Variants in LRRC56 observed in about 807,000 individuals in gnomAD.
LRRC56 encodes leucine rich repeat containing 56, also known as leucine-rich repeat-containing protein 56.
In LRRC56, 41 loss-of-function variants were observed where a neutral mutation model predicts 47.8. The ratio of observed to expected loss-of-function variants is 0.86; its 90% CI spans 0.67 to 1.11. LRRC56 has a LOEUF of 1.11. Among genes scored for constraint, LRRC56 ranks in the 50% most tolerant of loss-of-function variants. The probability of loss-of-function intolerance (pLI) is 0.00; values close to 1 mark genes in which losing one functional copy is unlikely to be tolerated. For missense variants in LRRC56, 759 were observed against 704.2 expected, an observed-to-expected ratio of 1.08 and a Z score of -0.88; for synonymous variants, 387 against 311.2, an observed-to-expected ratio of 1.24 and a Z score of -2.56.
chr11:523,194 A>T, the LRRC56 span, among the ~76,000 whole-genome samples: 2 of 151,946 alleles, frequency 1.3e-5, no homozygotes, highest in African/African-American at 4.8e-5. Context: ...ATGCCTGGCT[A>T]ATTTTTGTAT....
At chr11:507,851 C>A in the LRRC56 span, among the ~76,000 whole-genome samples, 1 of 152,238 alleles carries the variant, frequency 6.6e-6, no homozygotes, top group Non-Finnish European at 1.5e-5. Context: ...GGGACCCCAG[C>A]CCGCAAGGCC....
chr11:510,002 C>G, the LRRC56 span, among the ~76,000 whole-genome samples: 1 of 152,102 alleles, frequency 6.6e-6, no homozygotes, highest in East Asian at 1.9e-4. Context: ...TCCCCGGGTC[C>G]TGGCCGACTC....
At chr11:513,598 A>G in the LRRC56 span, among the ~76,000 whole-genome samples, 1 of 152,128 alleles carries the variant, frequency 6.6e-6, no homozygotes, top group Non-Finnish European at 1.5e-5. Flanking sequence ...GTTGTGAGAG[A>G]AGGTCTGCTG....
Position 552,709 on chromosome 11 carries a change from AG to A in LRRC56, c.1315+8del. On this transcript the variant is annotated splice_region_variant and intron_variant, in intron 13 of 13. Coordinates refer to ENST00000270115, the MANE Select transcript of LRRC56 (RefSeq NM_198075.4). Reference sequence around the variant, plus strand: ...CCCCCAAGCCTGGCCTCAGGTACTGAGCCTGCCCGCCTGCCCCCCAGTGCCT... The same window carrying A: ...CCCCCAAGCCTGGCCTCAGGTACTGACCTGCCCGCCTGCCCCCCAGTGCCT... 1 of 1,593,586 alleles carries A rather than the reference AG, an allele frequency of 6.3e-7. No homozygotes were observed. Among genetic ancestry groups the A allele is most frequent in the Non-Finnish European group, 8.5e-7 (1 of 1,169,822 alleles).
At chr11:521,373 A>T in the LRRC56 span, among the ~76,000 whole-genome samples, 1 of 152,134 alleles carries the variant, frequency 6.6e-6, no homozygotes, top group Non-Finnish European at 1.5e-5. Context: ...CAGTGCCATG[A>T]TCACAGGTCA....
At chr11:532,742 G>A (rs1269551105), upstream of LRRC56, 2 of 1,612,828 alleles carry the variant, frequency 1.2e-6, no homozygotes, top group Non-Finnish European at 8.5e-7. Flanking sequence ...CGTGTAGAAG[G>A]CATCCTCCAC....
chr11:545,615 C>G (rs970671479), intron 6 of LRRC56, among the ~76,000 whole-genome samples: 2 of 152,202 alleles, frequency 1.3e-5, no homozygotes, highest in African/African-American at 4.8e-5. Flanking sequence ...CCCGGACCAG[C>G]TCCCAGGAGA....
the LRRC56 span, among the ~76,000 whole-genome samples, chr11:524,640 AAATT>A: frequency 3.9e-5 from 6 of 152,080 alleles, no homozygotes; most frequent in Admixed American, 1.3e-4. Flanking sequence ...TCAAAAAAAT[AAATT>A]AATTAATTAA....
At chr11:507,153 G>C in the LRRC56 span, 6 of 152,398 alleles carry the variant, frequency 3.9e-5, no homozygotes, top group African/African-American at 1.4e-4. Context: ...TGGAGACCCA[G>C]AGCGAGACGG....
Position 554,116 on chromosome 11 carries a change from G to A in LRRC56, c.1469G>A (p.Gly490Asp), listed in dbSNP as rs960630258. Residue 490 changes from glycine to aspartate, a missense_variant, in exon 14 of 14, where the codon GGT becomes GAT. By Grantham distance (94) the Gly-to-Asp change is moderately conservative. Coordinates refer to ENST00000270115, the MANE Select transcript of LRRC56 (RefSeq NM_198075.4). The stretch of plus-strand genomic sequence containing the variant: ...CTGGGCAGCTGGGGGCCTGGCCTGG[G>A]TGATGGGGTGGCTGCAGTGCCTGTC... The part of the protein sequence containing the change: ...RVLGSWGPGL[G>D]DGVAAVPVLR... 9 of 1,605,512 alleles carry A rather than the reference G, an allele frequency of 5.6e-6. No homozygotes were observed. Among genetic ancestry groups the A allele is most frequent in the Non-Finnish European group, 7.6e-6 (9 of 1,178,024 alleles).
At chr11:532,044 A>G in the LRRC56 span, among the ~76,000 whole-genome samples, 2 of 152,196 alleles carry the variant, frequency 1.3e-5, no homozygotes, top group African/African-American at 4.8e-5. Flanking sequence ...CTGCTTGTCC[A>G]GAGCTCTCTG....
chr11:517,650 A>G, the LRRC56 span, among the ~76,000 whole-genome samples: 92 of 152,242 alleles, frequency 6.0e-4, no homozygotes, highest in African/African-American at 2.0e-3. Context: ...CCGTCTGGGA[A>G]GTGTACCCAA....
chr11:554,444 A>G lies in LRRC56; in HGVS notation c.*168A>G. ...AGTGGGGGACTGGGACCAGCCAGGG[A>G]GGCAGCAGAGGCTGGAACCCAGTTT... On this transcript the variant is annotated 3_prime_UTR_variant, in exon 14 of 14. Transcript: ENST00000270115. The G allele has an allele frequency of 3.6e-6, 2 of 553,330 alleles. No homozygotes were observed. The highest frequency in any genetic ancestry group is 5.7e-6 in the Non-Finnish European group (2 of 350,576). 34.3% of individuals were successfully genotyped at this position (553,330 alleles called of 1,614,324 possible). A position where few individuals can be genotyped will look rare whatever the true frequency, so the allele number is the denominator to read the frequency against.
intron 5 of LRRC56, among the ~76,000 whole-genome samples, chr11:542,867 C>T (rs938654569): frequency 2.0e-5 from 3 of 152,012 alleles, no homozygotes; most frequent in African/African-American, 7.2e-5. Context: ...TGCTGAAGAC[C>T]ATATTCAAAT....
At chr11:516,946 C>T in the LRRC56 span, among the ~76,000 whole-genome samples, 2 of 152,218 alleles carry the variant, frequency 1.3e-5, no homozygotes, top group Admixed American at 6.5e-5. Flanking sequence ...CTGCCCCGGG[C>T]TCCCATGGTT....
chr11:543,809 C>T (rs10794326), intron 5 of LRRC56, among the ~76,000 whole-genome samples: 82,032 of 151,356 alleles, frequency 0.54, 23,135 homozygotes, highest in African/African-American at 0.7. Context: ...AGTGCAGTGG[C>T]GCAATCTCGG....
At position 553,951 on chromosome 11, in the gene LRRC56, C is replaced by T; in HGVS notation, c.1316-12C>T. On this transcript the variant is annotated splice_polypyrimidine_tract_variant and intron_variant, in intron 13 of 13. Coordinates refer to ENST00000270115, the MANE Select transcript of LRRC56 (RefSeq NM_198075.4). ...GCCTTTCTGACGTCCCATCACTCTGCTTGCTTTCTAGAGCCCTCCGGGACC... is the reference window on the plus strand; with the variant it reads ...GCCTTTCTGACGTCCCATCACTCTGTTTGCTTTCTAGAGCCCTCCGGGACC... 6 of 1,607,768 alleles carry T rather than the reference C, an allele frequency of 3.7e-6. No homozygotes were observed. The highest frequency in any genetic ancestry group is 5.1e-6 in the Non-Finnish European group (6 of 1,177,626).
chr11:533,599 G>A (rs1057517913), upstream of LRRC56: 3 of 1,613,716 alleles, frequency 1.9e-6, no homozygotes, highest in African/African-American at 2.7e-5. Context: ...TCCTTCACCC[G>A]TTTGATCTGC....
chr11:512,357 C>T, the LRRC56 span, among the ~76,000 whole-genome samples: 13 of 152,142 alleles, frequency 8.5e-5, no homozygotes, highest in Admixed American at 7.2e-4. Flanking sequence ...CCTCGGCCTC[C>T]TGAGTAGCTG....
Sources: allele counts gnomAD v4.1 joint callset (sites outside exome capture counted in the v4.1 genomes callset), GRCh38; gene constraint gnomAD v4.1.1; transcripts MANE v1.5; gene names NCBI Gene and HGNC (gene_info 2026-07-23, HGNC 2026-07-21).